COA6: variants seen among roughly 807,000 people sequenced by gnomAD.
COA6 encodes the protein cytochrome c oxidase assembly factor 6 homolog.
A neutral mutation model predicts 17.1 loss-of-function variants in COA6; 12 were observed. That is an observed-to-expected ratio of 0.70 (90% confidence interval 0.45 to 1.14). The LOEUF is 1.14. COA6 is among the 50% of genes most tolerant of loss of function. COA6 has a pLI of 0.00. For synonymous variants in COA6, 90 were observed against 73.4 expected (o/e 1.23, Z -1.16); for missense variants, 246 against 196.5 (o/e 1.25, Z -1.51).
intron 2 of COA6, among the ~76,000 whole-genome samples, chr1:234,381,242 G>A (rs748082910): frequency 1.3e-5 from 2 of 152,130 alleles, no homozygotes; most frequent in African/African-American, 2.4e-5. Context: ...GAGACCACTC[G>A]CATATGTGTA....
intron 2 of COA6, among the ~76,000 whole-genome samples, chr1:234,380,059 C>A (rs960556944): frequency 1.3e-5 from 2 of 152,176 alleles, no homozygotes; most frequent in Non-Finnish European, 2.9e-5. Context: ...ACAGTGATAG[C>A]CCGTTTCCCA....
In COA6 at chr1:234,373,552, T is replaced by G. The variant is rs751057084; in HGVS notation, c.86T>G (p.Leu29Arg). ...CTGGGGAGGTCTACGCTTCTAGAGC[T>G]TGAGCCAGCGGGGCGACCCTGCAGT... Reference protein sequence around the residue: ...LRLGRSTLLELEPAGRPCSGR... With the variant: ...LRLGRSTLLEREPAGRPCSGR... The change falls in exon 1 of 3, where the codon CTT (leucine) becomes CGT (arginine). Residue 29 changes from leucine to arginine, a missense_variant. Transcript: ENST00000366615. 1.2e-5 allele frequency: 19 copies of G among 1,611,824 alleles called. No homozygotes were observed. The highest frequency in any genetic ancestry group is 2.2e-5 in the South Asian group (2 of 90,994).
intron 1 of COA6, chr1:234,373,879 C>T (rs767887931): frequency 4.4e-6 from 7 of 1,598,388 alleles, no homozygotes; most frequent in Admixed American, 3.4e-5. Flanking sequence ...ACTGCTGTCC[C>T]CGCTTTACTG....
intron 2 of COA6, among the ~76,000 whole-genome samples, chr1:234,377,059 CGAGAG>C (rs1398080253): frequency 3.3e-4 from 27 of 82,640 alleles, no homozygotes; most frequent in African/African-American, 6.0e-4. Context: ...GCTGTGTTGC[CGAGAG>C]AGAGAGAGAG....
Position 234,383,782 on chromosome 1 carries a change from A to G in COA6, c.432A>G (p.Gly144=). 6.3e-7 allele frequency: 1 copy of G among 1,579,498 alleles called. No homozygotes were observed. The highest frequency in any genetic ancestry group is 8.7e-7 in the Non-Finnish European group (1 of 1,151,246). Residue 144 remains glycine (G), a synonymous_variant, in exon 3 of 3, where the codon GGA becomes GGG. Coordinates refer to ENST00000366615, the MANE Select transcript of COA6 (RefSeq NM_001206641.3). ...AATTCAAAGAAAAATTTGAAGCAGGACAATTTGAGCCTTCAGAAACAACTG... is the reference window on the plus strand; with the variant it reads ...AATTCAAAGAAAAATTTGAAGCAGGGCAATTTGAGCCTTCAGAAACAACTG... ...YLKFKEKFEA[G]QFEPSETTAK... is the part of the protein sequence containing the mutation.
chr1:234,381,078 C>T (rs1433662324), intron 2 of COA6, among the ~76,000 whole-genome samples: 1 of 152,204 alleles, frequency 6.6e-6, no homozygotes, highest in Non-Finnish European at 1.5e-5. Flanking sequence ...CATCATCTAA[C>T]AAAGTTCCAC....
intron 2 of COA6, among the ~76,000 whole-genome samples, chr1:234,382,258 T>A (rs370798137): frequency 2.6e-5 from 4 of 152,342 alleles, no homozygotes; most frequent in African/African-American, 9.6e-5. Context: ...TTGAGTGTCA[T>A]GTTCATGTTG....
chr1:234,379,389 G>A (rs6681034), intron 2 of COA6, among the ~76,000 whole-genome samples: 82,937 of 151,804 alleles, frequency 0.55, 24,335 homozygotes, highest in African/African-American at 0.77. Flanking sequence ...GAAGGGTTCT[G>A]TTTGTTATGA....
chr1:234,383,592 A>T (rs1659044894), intron 2 of COA6, 131 bp from the exon 3 acceptor site: 1 of 592,952 alleles, frequency 1.7e-6, no homozygotes, highest in South Asian at 2.2e-5. Flanking sequence ...ACACACACAC[A>T]CACACAAAAT....
chr1:234,380,862 C>T (rs112656718), intron 2 of COA6, among the ~76,000 whole-genome samples: 78 of 152,214 alleles, frequency 5.1e-4, no homozygotes, highest in East Asian at 2.3e-3. Context: ...TAGCCAGGCG[C>T]GGTGGCACGC....
At chr1:234,379,722 A>G (rs1274021110) in intron 2 of COA6, among the ~76,000 whole-genome samples, 1 of 152,198 alleles carries the variant, frequency 6.6e-6, no homozygotes, top group African/African-American at 2.4e-5. Context: ...GCAAGGGGGA[A>G]GCAAGGCACC....
chr1:234,376,845 C>T (rs970497995), intron 2 of COA6, among the ~76,000 whole-genome samples: 2 of 152,192 alleles, frequency 1.3e-5, no homozygotes, highest in Admixed American at 6.5e-5. Flanking sequence ...GCTACTCACT[C>T]GACCAAGGCA....
intron 2 of COA6, among the ~76,000 whole-genome samples, chr1:234,379,700 T>G (rs1287738647): frequency 1.3e-5 from 2 of 152,038 alleles, no homozygotes; most frequent in Non-Finnish European, 2.9e-5. Flanking sequence ...AAACTTACAA[T>G]CATGGTGGAA....
intron 2 of COA6, among the ~76,000 whole-genome samples, chr1:234,382,997 ACT>A (rs1357453336): frequency 4.9e-5 from 6 of 121,586 alleles, no homozygotes; most frequent in Admixed American, 4.0e-4. Context: ...ACAGAGCGAG[ACT>A]CTCTGTCAAG....
chr1:234,376,645 T>C (rs1390727291), intron 2 of COA6, among the ~76,000 whole-genome samples: 1 of 152,220 alleles, frequency 6.6e-6, no homozygotes, highest in Non-Finnish European at 1.5e-5. Flanking sequence ...TGAAAATAGC[T>C]TGCACAAGTC....
chr1:234,384,357 A>G lies in COA6; in HGVS notation c.*539A>G, dbSNP rs1301028062. Among the ~76,000 whole-genome samples, 1 of 152,170 alleles carries G rather than the reference A, an allele frequency of 6.6e-6. No individual in the cohort carries two copies. Among genetic ancestry groups the G allele is most frequent in the Non-Finnish European group, 1.5e-5 (1 of 68,026 alleles). ...TCCAGTGAGACAAAAAAGAAAAAGC[A>G]TACACACTGGGAAGGAAGAAAGAAA... On this transcript the variant is annotated 3_prime_UTR_variant, in exon 3 of 3. Transcript: ENST00000366615.
At chr1:234,377,836 A>G (rs1658852900) in intron 2 of COA6, among the ~76,000 whole-genome samples, 1 of 152,216 alleles carries the variant, frequency 6.6e-6, no homozygotes, top group African/African-American at 2.4e-5. Flanking sequence ...ACAGAGGCCC[A>G]ATAGTGGCCA....
rs180862138 is a variant in COA6 at position 234,376,955 on chromosome 1, A to T, written c.372+2566A>T. 2.7e-3 allele frequency among the ~76,000 whole-genome samples: 403 copies of T among 151,984 alleles called. 3 individuals are homozygous for T. The highest frequency in any genetic ancestry group is 9.0e-3 in the African/African-American group (372 of 41,386). On this transcript the variant is annotated intron_variant, in intron 2 of 2. Transcript: ENST00000366615. The stretch of plus-strand genomic sequence containing the variant: ...AATACCTTAGAGAAATTTATTTCTC[A>T]TAGTGTTGGAGGCTGGAGGTCCGAG...
chr1:234,376,352 G>A (rs1378080834), intron 2 of COA6, among the ~76,000 whole-genome samples: 4 of 152,160 alleles, frequency 2.6e-5, no homozygotes, highest in African/African-American at 9.7e-5. Flanking sequence ...TCTCACTCAA[G>A]CAGACTGGGT....
Sources: gnomAD v4.1 joint callset for allele counts (sites outside exome capture counted in the v4.1 genomes callset) on GRCh38, gnomAD v4.1.1 for gene constraint, MANE v1.5 for transcripts, NCBI Gene and HGNC (gene_info 2026-07-23, HGNC 2026-07-21) for gene names.